Variants in TTC9C observed in about 807,000 individuals in gnomAD.
TTC9C encodes the protein tetratricopeptide repeat protein 9C.
TTC9C carries 15 observed loss-of-function variants against 22.5 expected under a neutral mutation model. That is an observed-to-expected ratio of 0.67 (90% CI 0.45 to 1.03). The LOEUF (loss-of-function observed/expected upper bound fraction) is 1.03. Ranked by LOEUF, TTC9C falls within the 50% of genes least tolerant of loss-of-function variation. TTC9C has a pLI of 0.00. For synonymous variants in TTC9C, 92 were observed against 86.8 expected, an observed-to-expected ratio of 1.06 and a Z score of -0.33; for missense variants, 244 against 214.6, an observed-to-expected ratio of 1.14 and a Z score of -0.86.
intron 1 of TTC9C, among the ~76,000 whole-genome samples, chr11:62,732,286 C>T (rs976922149): frequency 2.6e-5 from 4 of 152,030 alleles, no homozygotes; most frequent in African/African-American, 9.7e-5. Context: ...TGAGCCACTG[C>T]GTCCAGCCTC....
intron 2 of TTC9C, 89 bp from the exon 3 acceptor site, chr11:62,738,199 G>A (rs2083933019): frequency 5.6e-6 from 4 of 715,798 alleles, no homozygotes; most frequent in Non-Finnish European, 9.5e-6. Flanking sequence ...TAAAATGGGA[G>A]CATGTTAACA....
intron 1 of TTC9C, among the ~76,000 whole-genome samples, chr11:62,729,827 C>G (rs1008936880): frequency 6.6e-6 from 1 of 152,130 alleles, no homozygotes; most frequent in Non-Finnish European, 1.5e-5. Flanking sequence ...CCACGCGCCT[C>G]TACCTTCCAA....
At position 62,728,981 on chromosome 11, in the gene TTC9C, C is replaced by T. The variant is rs189926535; in HGVS notation, c.133C>T (p.Leu45=). ...TCAGCTGCGGGGTCTGGATCCGAGT[C>T]TGCCCTCTCCGTTACCTAATCTCGG... The part of the protein sequence containing the change: ...LLQLRGLDPS[L]PSPLPNLGPQ... Residue 45 remains leucine, a synonymous_variant, in exon 1 of 3, where the codon CTG becomes TTG. Transcript: ENST00000316461. The T allele has an allele frequency of 1.1e-5, 18 of 1,614,150 alleles. No homozygotes were observed. The Admixed American group carries it at 2.0e-4, about 18-fold the overall frequency.
In TTC9C at chr11:62,733,224, G is replaced by A. The variant is rs985511121; in HGVS notation, c.239-2158G>A. Reference sequence around the variant, plus strand: ...GGTTTGTATTTCAAGGTCCCATTAAGTCATCCAAGAGAATAGTGAAGTTAT... The same window carrying A: ...GGTTTGTATTTCAAGGTCCCATTAAATCATCCAAGAGAATAGTGAAGTTAT... On this transcript the variant is annotated intron_variant, in intron 1 of 2. Transcript: ENST00000316461. The A allele has an allele frequency of 3.3e-6, 4 of 1,226,874 alleles. No individual in the cohort carries two copies. In the South Asian group the frequency reaches 4.0e-5, roughly 12 times the overall value. The allele number at this position is 1,226,874 out of a possible 1,614,324, so 76.0% of individuals were successfully genotyped here.
intron 1 of TTC9C, among the ~76,000 whole-genome samples, chr11:62,732,636 T>C (rs1401839733): frequency 1.3e-5 from 2 of 150,020 alleles, no homozygotes; most frequent in African/African-American, 2.5e-5. Context: ...ATTAATTTAC[T>C]TGGGCCAGGT....
In TTC9C at chr11:62,728,787, C is replaced by T; in HGVS notation, c.-62C>T. The T allele has an allele frequency of 6.4e-7, 1 of 1,560,870 alleles. No individual in the cohort carries two copies. Among genetic ancestry groups the T allele is most frequent in the Non-Finnish European group, 8.8e-7 (1 of 1,132,836 alleles). ...CTGCTACTGTCAGTTATTTTGCTCC[C>T]AACCCCAGAGCTTCACTTGCTCCTT... On this transcript the variant is annotated 5_prime_UTR_variant, in exon 1 of 3. Coordinates refer to ENST00000316461, the MANE Select transcript of TTC9C (RefSeq NM_173810.4).
chr11:62,731,729 G>T (rs988767134), intron 1 of TTC9C, among the ~76,000 whole-genome samples: 1 of 149,414 alleles, frequency 6.7e-6, no homozygotes, highest in Admixed American at 6.7e-5. Context: ...TTGCTCTGTC[G>T]CCCAGGCTGG....
upstream of TTC9C, chr11:62,728,087 G>A (rs1260652622): frequency 4.7e-5 from 7 of 149,464 alleles, no homozygotes; most frequent in African/African-American, 1.7e-4. Context: ...GGTCGTTTCT[G>A]CGGGATTATT....
chr11:62,732,876 C>G (rs1304999841), intron 1 of TTC9C, among the ~76,000 whole-genome samples: 1 of 152,000 alleles, frequency 6.6e-6, no homozygotes, highest in African/African-American at 2.4e-5. Context: ...CAGCCAAGAT[C>G]GTACCAGTGC....
chr11:62,728,197 G>T, upstream of TTC9C: 1 of 291,946 alleles, frequency 3.4e-6, no homozygotes, highest in Non-Finnish European at 6.7e-6. Context: ...CCTTGCTCCT[G>T]CTGGTAAACC....
In TTC9C at chr11:62,737,372, G is replaced by A. The variant is rs138238039; in HGVS notation, c.422-916G>A. 3.9e-3 allele frequency among the ~76,000 whole-genome samples: 591 copies of A among 152,208 alleles called. 3 individuals carry two copies. Among genetic ancestry groups the A allele is most frequent in the African/African-American group, 0.013 (552 of 41,550 alleles). Reference sequence around the variant, plus strand: ...AACCCCAGGTATGACCTAGAAAAAGGGCAGTCCTGCTGAGAGAGAATTTGG... The same window carrying A: ...AACCCCAGGTATGACCTAGAAAAAGAGCAGTCCTGCTGAGAGAGAATTTGG... On this transcript the variant is annotated intron_variant, in intron 2 of 2. Transcript: ENST00000316461.
rs2134796727 is a variant in TTC9C at position 62,728,828 on chromosome 11, C to T, written c.-21C>T. On this transcript the variant is annotated 5_prime_UTR_variant, in exon 1 of 3. Transcript: ENST00000316461. ...CTTGCTCCTTCACTTCCCAGTTCCGCAAGAACCGTGGGCGACAGTTATGGA... is the reference window on the plus strand; with the variant it reads ...CTTGCTCCTTCACTTCCCAGTTCCGTAAGAACCGTGGGCGACAGTTATGGA... 5.6e-6 allele frequency: 9 copies of T among 1,612,950 alleles called. No individual in the cohort carries two copies. Among genetic ancestry groups the T allele is most frequent in the Non-Finnish European group, 7.6e-6 (9 of 1,178,982 alleles).
intron 1 of TTC9C, among the ~76,000 whole-genome samples, chr11:62,729,539 C>T (rs1484933045): frequency 6.6e-6 from 1 of 150,830 alleles, no homozygotes; most frequent in Non-Finnish European, 1.5e-5. Flanking sequence ...GCCGGGATTA[C>T]AGGCGCCCGC....
chr11:62,733,081 CACCATGATTTAATAAT>C (rs1473627173), intron 1 of TTC9C: 5 of 1,207,656 alleles, frequency 4.1e-6, no homozygotes, highest in Non-Finnish European at 4.4e-6. Flanking sequence ...TCTTTCTCAG[CACCATGATTTAATAAT>C]ACTATGTTTA....
At chr11:62,738,050 TAAAA>T (rs1370416479) in intron 2 of TTC9C, among the ~76,000 whole-genome samples, 2 of 149,286 alleles carry the variant, frequency 1.3e-5, no homozygotes, top group East Asian at 1.9e-4. Flanking sequence ...AGTAAATAAA[TAAAA>T]TAAATAAATA....
Position 62,738,464 on chromosome 11 carries a change from G to T in TTC9C, c.*82G>T. The T allele has an allele frequency of 1.0e-6, 1 of 999,744 alleles. No homozygotes were observed. The highest frequency in any genetic ancestry group is 1.5e-6 in the Non-Finnish European group (1 of 653,494). The allele number at this position is 999,744 out of a possible 1,614,324, so 61.9% of individuals were successfully genotyped here. A position where few individuals can be genotyped will look rare whatever the true frequency, so the allele number is the denominator to read the frequency against. ...AGGAGAAATCTGAGCCTCAGCAAGA[G>T]AAATTAACCCTATACCTCTGACCCA... On this transcript the variant is annotated 3_prime_UTR_variant, in exon 3 of 3. Transcript: ENST00000316461.
Position 62,728,605 on chromosome 11 carries a change from A to G in TTC9C, c.-244A>G. ...AGGAAGTCACTTAATGTTGGGCTTCATTATTCCCACATCCCTTTCCTTACT... is the reference window on the plus strand; with the variant it reads ...AGGAAGTCACTTAATGTTGGGCTTCGTTATTCCCACATCCCTTTCCTTACT... On this transcript the variant is annotated 5_prime_UTR_variant, in exon 1 of 3. Transcript: ENST00000316461. 3.1e-6 allele frequency: 2 copies of G among 638,216 alleles called. No homozygotes were observed. The highest frequency in any genetic ancestry group is 5.8e-6 in the Non-Finnish European group (2 of 344,222). The allele number at this position is 638,216 out of a possible 1,614,324, so 39.5% of individuals were successfully genotyped here.
chr11:62,733,958 C>T (rs938120592), intron 1 of TTC9C, among the ~76,000 whole-genome samples: 7 of 152,134 alleles, frequency 4.6e-5, no homozygotes, highest in Admixed American at 3.3e-4. Context: ...CGCTACTGCA[C>T]TCCAGCCTGC....
At chr11:62,732,243 C>T (rs901757240) in intron 1 of TTC9C, among the ~76,000 whole-genome samples, 3 of 152,000 alleles carry the variant, frequency 2.0e-5, no homozygotes, top group Non-Finnish European at 2.9e-5. Flanking sequence ...GATCTGCCTG[C>T]CTCAGCCTCC....
Sources: allele counts gnomAD v4.1 joint callset (sites outside exome capture counted in the v4.1 genomes callset), GRCh38; gene constraint gnomAD v4.1.1; transcripts MANE v1.5; gene names NCBI Gene and HGNC (gene_info 2026-07-23, HGNC 2026-07-21).